TRPC4AP: variants seen among roughly 807,000 people sequenced by gnomAD.
TRPC4AP encodes the protein transient receptor potential cation channel subfamily C member 4 associated protein, also known as short transient receptor potential channel 4-associated protein.
In TRPC4AP, 45 loss-of-function variants were observed where a neutral mutation model predicts 99.0. The ratio of observed to expected loss-of-function variants is 0.45; its 90% CI spans 0.36 to 0.58. TRPC4AP has a LOEUF of 0.58. TRPC4AP is among the 20% of genes least tolerant of loss of function. TRPC4AP has a pLI of 0.00. For synonymous variants in TRPC4AP, 408 were observed against 385.8 expected (o/e 1.06, Z -0.67); for missense variants, 879 against 985.3 (o/e 0.89, Z 1.44).
intron 8 of TRPC4AP, among the ~76,000 whole-genome samples, chr20:35,026,340 G>A (rs1358358685): frequency 1.3e-5 from 2 of 151,738 alleles, no homozygotes; most frequent in African/African-American, 4.8e-5. Context: ...TCAGCCTCTT[G>A]AGTAGCTGGG....
intron 9 of TRPC4AP, among the ~76,000 whole-genome samples, chr20:35,017,175 G>A (rs1332691466): frequency 1.3e-5 from 2 of 152,134 alleles, no homozygotes; most frequent in Non-Finnish European, 2.9e-5. Context: ...CAAGGCACCA[G>A]TAAAAAAGAA....
intron 6 of TRPC4AP, among the ~76,000 whole-genome samples, chr20:35,045,124 TC>T (rs1433670368): frequency 1.3e-5 from 2 of 152,132 alleles, no homozygotes; most frequent in East Asian, 3.8e-4. Context: ...CCTCTGTGTA[TC>T]CCCCATCCAG....
intron 3 of TRPC4AP, among the ~76,000 whole-genome samples, chr20:35,067,365 C>G (rs191518816): frequency 5.1e-4 from 78 of 152,204 alleles, no homozygotes; most frequent in Non-Finnish European, 9.4e-4. Context: ...TGACAGATAA[C>G]AAGTGTTGGC....
At chr20:35,091,091 TC>T (rs2085050795) in intron 1 of TRPC4AP, among the ~76,000 whole-genome samples, 1 of 151,450 alleles carries the variant, frequency 6.6e-6, no homozygotes, top group Non-Finnish European at 1.5e-5. Context: ...TCTGTCAATC[TC>T]CGCCTCCCAG....
intron 3 of TRPC4AP, among the ~76,000 whole-genome samples, chr20:35,065,554 G>A (rs1367273795): frequency 1.3e-5 from 2 of 152,176 alleles, no homozygotes; most frequent in African/African-American, 4.8e-5. Flanking sequence ...ATAACAAGCT[G>A]TTTGGAAAAT....
In TRPC4AP at chr20:35,004,710, G is replaced by A. The variant is rs138286700; in HGVS notation, c.1937-140C>T. ...AAAACAGCTTCAACGAAAGCTGACT[G>A]TGGCAGAAAGAAGGACCTCCAGCTG... On this transcript the variant is annotated intron_variant, in intron 16 of 18. Coordinates refer to ENST00000252015, the MANE Select transcript of TRPC4AP (RefSeq NM_015638.3). The A allele has an allele frequency of 1.8e-3, 1,192 of 680,964 alleles. 8 individuals are homozygous for A. The African/African-American group carries it at 0.019, about 11-fold the overall frequency. The allele number at this position is 680,964 out of a possible 1,614,324, so 42.2% of individuals were successfully genotyped here.
intron 8 of TRPC4AP, among the ~76,000 whole-genome samples, chr20:35,021,976 A>T (rs2082900664): frequency 6.6e-6 from 1 of 152,200 alleles, no homozygotes. Context: ...ACAGCAGCTA[A>T]GTGATATTTA....
At chr20:35,013,251 T>TG (rs2082678159) in intron 10 of TRPC4AP, among the ~76,000 whole-genome samples, 185 bp from the exon 11 acceptor site, 1 of 152,144 alleles carries the variant, frequency 6.6e-6, no homozygotes, top group Non-Finnish European at 1.5e-5. Context: ...TAAGCTAATG[T>TG]GGCCCCCTTC....
chr20:35,023,306 T>G (rs1461013010), intron 8 of TRPC4AP, among the ~76,000 whole-genome samples: 1 of 152,174 alleles, frequency 6.6e-6, no homozygotes, highest in Non-Finnish European at 1.5e-5. Context: ...CAACCATACC[T>G]ACCCCTTAAT....
At chr20:35,009,626 G>A (rs1463368736) in intron 12 of TRPC4AP, among the ~76,000 whole-genome samples, 2 of 152,214 alleles carry the variant, frequency 1.3e-5, no homozygotes, top group African/African-American at 4.8e-5. Flanking sequence ...CTGAGAGAAA[G>A]AGCAAGACCT....
intron 1 of TRPC4AP, among the ~76,000 whole-genome samples, chr20:35,084,697 T>C (rs2084779052): frequency 7.3e-6 from 1 of 137,454 alleles, no homozygotes; most frequent in Non-Finnish European, 1.6e-5. Context: ...TGCATATATG[T>C]GTATATGTAT....
At chr20:35,008,616 T>C in intron 13 of TRPC4AP, 48 bp downstream of exon 13, 1 of 1,547,852 alleles carries the variant, frequency 6.5e-7, no homozygotes, top group Non-Finnish European at 8.9e-7. Flanking sequence ...GAGAAACACC[T>C]GGCTCTGCAG....
chr20:35,023,348 G>T (rs1267367535), intron 8 of TRPC4AP, among the ~76,000 whole-genome samples: 1 of 152,200 alleles, frequency 6.6e-6, no homozygotes, highest in African/African-American at 2.4e-5. Flanking sequence ...TACTGAAGGT[G>T]CCTGGAACAT....
chr20:35,057,236 T>G (rs528927610), intron 4 of TRPC4AP, among the ~76,000 whole-genome samples: 3 of 152,190 alleles, frequency 2.0e-5, no homozygotes, highest in Non-Finnish European at 4.4e-5. Flanking sequence ...TAGTTATATG[T>G]GAGAAAGAAG....
chr20:35,073,327 G>A (rs191551192), intron 2 of TRPC4AP, among the ~76,000 whole-genome samples: 40 of 152,288 alleles, frequency 2.6e-4, no homozygotes, highest in Admixed American at 2.6e-3. Context: ...ATAGGAGTGT[G>A]CTGAGAGAGG....
intron 2 of TRPC4AP, among the ~76,000 whole-genome samples, chr20:35,071,081 A>G (rs997026279): frequency 3.3e-5 from 5 of 152,202 alleles, no homozygotes; most frequent in African/African-American, 7.2e-5. Flanking sequence ...AGAAGCTATA[A>G]TTATTTCTAT....
At chr20:35,084,340 G>A (rs528351541) in intron 1 of TRPC4AP, among the ~76,000 whole-genome samples, 4 of 151,464 alleles carry the variant, frequency 2.6e-5, no homozygotes, top group South Asian at 2.1e-4. Context: ...ACCACCATGC[G>A]ATACACCAAT....
intron 5 of TRPC4AP, among the ~76,000 whole-genome samples, chr20:35,052,098 GTTTTT>G (rs5841189): frequency 7.2e-6 from 1 of 138,050 alleles, no homozygotes; most frequent in African/African-American, 2.7e-5. Context: ...TTTTTTTTTG[GTTTTT>G]TTTTTTTTTT....
At chr20:35,064,284 A>G (rs1272475228) in intron 3 of TRPC4AP, among the ~76,000 whole-genome samples, 2 of 152,260 alleles carry the variant, frequency 1.3e-5, no homozygotes, top group African/African-American at 4.8e-5. Context: ...AGCATGTCCA[A>G]GACACCTCAA....
Sources: gnomAD v4.1 joint callset for allele counts (sites outside exome capture counted in the v4.1 genomes callset) on GRCh38, gnomAD v4.1.1 for gene constraint, MANE v1.5 for transcripts, NCBI Gene and HGNC (gene_info 2026-07-23, HGNC 2026-07-21) for gene names.